The following TBC1D19 variants were observed in gnomAD, a reference collection of about 807,000 sequenced individuals.
The protein encoded by TBC1D19 is TBC1 domain family, member 19.
In TBC1D19, 60 loss-of-function variants were observed where a neutral mutation model predicts 89.0. That is an observed-to-expected ratio of 0.67 (90% confidence interval 0.55 to 0.84). The LOEUF (loss-of-function observed/expected upper bound fraction) is 0.84. Ranked by LOEUF, TBC1D19 falls within the 40% of genes least tolerant of loss-of-function variation. The pLI is 0.00. For missense variants in TBC1D19, 500 were observed against 610.8 expected (o/e 0.82, Z 1.91); for synonymous variants, 189 against 199.7 (o/e 0.95, Z 0.45).
intron 9 of TBC1D19, among the ~76,000 whole-genome samples, chr4:26,667,174 T>G (rs1433970236): frequency 6.6e-6 from 1 of 152,066 alleles, no homozygotes; most frequent in African/African-American, 2.4e-5. Flanking sequence ...CTATATTGTC[T>G]CATTTTAACC....
chr4:26,794,025 G>C, the TBC1D19 span, among the ~76,000 whole-genome samples: 1 of 152,156 alleles, frequency 6.6e-6, no homozygotes, highest in African/African-American at 2.4e-5. Flanking sequence ...GCCTGTACTT[G>C]GAGCTTGGAG....
chr4:26,660,945 T>C (rs1017588739), intron 8 of TBC1D19, among the ~76,000 whole-genome samples: 5 of 152,234 alleles, frequency 3.3e-5, no homozygotes, highest in South Asian at 2.1e-4. Flanking sequence ...ACCTATTTCC[T>C]GACTAGACAC....
chr4:26,662,160 G>T (rs1474323803), intron 8 of TBC1D19, among the ~76,000 whole-genome samples: 2 of 152,140 alleles, frequency 1.3e-5, no homozygotes, highest in African/African-American at 4.8e-5. Flanking sequence ...ATGGGAGAAG[G>T]TAAACCCAAT....
At chr4:26,850,504 G>A in the TBC1D19 span, among the ~76,000 whole-genome samples, 5 of 134,924 alleles carry the variant, frequency 3.7e-5, no homozygotes, top group East Asian at 2.2e-4. Flanking sequence ...AGCCATGATC[G>A]TGCCACTGCA....
intron 16 of TBC1D19, among the ~76,000 whole-genome samples, chr4:26,737,755 A>G (rs1418511497): frequency 6.6e-6 from 1 of 152,138 alleles, no homozygotes; most frequent in Non-Finnish European, 1.5e-5. Flanking sequence ...AACTCTAGTT[A>G]GTACTTTGCC....
At chr4:26,667,587 A>G (rs796692739) in intron 9 of TBC1D19, among the ~76,000 whole-genome samples, 9 of 152,122 alleles carry the variant, frequency 5.9e-5, no homozygotes, top group African/African-American at 2.2e-4. Context: ...TTATTTATCT[A>G]TTCTACGGTT....
chr4:26,613,065 TC>T, intron 1 of TBC1D19, 103 bp from the exon 2 acceptor site: 1 of 823,442 alleles, frequency 1.2e-6, no homozygotes, highest in African/African-American at 1.8e-5. Flanking sequence ...TTTTGAACAC[TC>T]CTTTTTAAAC....
intron 1 of TBC1D19, among the ~76,000 whole-genome samples, chr4:26,604,448 G>A (rs1287239842): frequency 9.9e-5 from 15 of 151,064 alleles, no homozygotes; most frequent in African/African-American, 3.2e-4. Context: ...CATCGCGCCC[G>A]GCCAGAATTT....
chr4:26,649,992 T>G (rs1224094581), intron 7 of TBC1D19, among the ~76,000 whole-genome samples: 1 of 152,152 alleles, frequency 6.6e-6, no homozygotes, highest in African/African-American at 2.4e-5. Context: ...GATAGTTTGC[T>G]GAGAATGATG....
intron 8 of TBC1D19, among the ~76,000 whole-genome samples, chr4:26,663,510 G>C (rs1365790590): frequency 6.6e-6 from 1 of 152,118 alleles, no homozygotes; most frequent in Non-Finnish European, 1.5e-5. Flanking sequence ...TAAAAAAGCA[G>C]GGAAAGGATA....
chr4:26,750,288 G>T (rs888962707), intron 19 of TBC1D19, among the ~76,000 whole-genome samples: 2 of 152,164 alleles, frequency 1.3e-5, no homozygotes, highest in Non-Finnish European at 1.5e-5. Flanking sequence ...CTCTGAGTGT[G>T]CCAGAAAATT....
At chr4:26,674,444 T>C (rs1712606842) in intron 11 of TBC1D19, among the ~76,000 whole-genome samples, 2 of 152,134 alleles carry the variant, frequency 1.3e-5, no homozygotes, top group Admixed American at 1.3e-4. Context: ...ACATTGATTC[T>C]TGAAATATTC....
chr4:26,828,435 G>T, the TBC1D19 span, among the ~76,000 whole-genome samples: 2 of 152,240 alleles, frequency 1.3e-5, no homozygotes, highest in African/African-American at 4.8e-5. Flanking sequence ...TGGTAGTTTT[G>T]TGTTGAAAGG....
intron 7 of TBC1D19, among the ~76,000 whole-genome samples, chr4:26,647,269 G>A (rs1744040350): frequency 6.6e-6 from 1 of 152,192 alleles, no homozygotes; most frequent in African/African-American, 2.4e-5. Context: ...AGGGCTGTTA[G>A]TGAAGGTGAT....
intron 13 of TBC1D19, among the ~76,000 whole-genome samples, chr4:26,703,041 A>G (rs1715456203): frequency 6.6e-6 from 1 of 152,190 alleles, no homozygotes. Flanking sequence ...CTTCTCTATA[A>G]TGACTGAATA....
upstream of TBC1D19, among the ~76,000 whole-genome samples, chr4:26,579,408 C>G (rs530905587): frequency 2.6e-5 from 4 of 151,896 alleles, no homozygotes; most frequent in Admixed American, 1.3e-4. Flanking sequence ...AAGTCTTCTT[C>G]GGAGCTTCTT....
At chr4:26,709,738 A>G (rs924334039) in intron 13 of TBC1D19, among the ~76,000 whole-genome samples, 1 of 152,064 alleles carries the variant, frequency 6.6e-6, no homozygotes, top group Non-Finnish European at 1.5e-5. Flanking sequence ...AGTAGACTCC[A>G]GAGTTCTAAA....
intron 13 of TBC1D19, among the ~76,000 whole-genome samples, chr4:26,699,326 C>G (rs1715105607): frequency 6.6e-6 from 1 of 152,090 alleles, no homozygotes; most frequent in African/African-American, 2.4e-5. Flanking sequence ...CCATCCCACA[C>G]CAGTTAGAAT....
the TBC1D19 span, among the ~76,000 whole-genome samples, chr4:26,782,635 C>T: frequency 6.6e-6 from 1 of 152,126 alleles, no homozygotes; most frequent in Non-Finnish European, 1.5e-5. Flanking sequence ...AACTAGATTG[C>T]TTTTGACATT....
Sources: allele counts gnomAD v4.1 joint callset (sites outside exome capture counted in the v4.1 genomes callset), GRCh38; gene constraint gnomAD v4.1.1; transcripts MANE v1.5; gene names NCBI Gene and HGNC (gene_info 2026-07-23, HGNC 2026-07-21).